The following PADI4 variants were observed in gnomAD, a reference collection of about 807,000 sequenced individuals.
The protein encoded by PADI4 is protein-arginine deiminase type-4.
A neutral mutation model predicts 75.0 loss-of-function variants in PADI4; 62 were observed. That is an observed-to-expected ratio of 0.83 (90% CI 0.67 to 1.02). The LOEUF is 1.02. PADI4 is among the 50% of genes least tolerant of loss of function. The pLI is 0.00. For synonymous variants in PADI4, 361 were observed against 348.1 expected (o/e 1.04, Z -0.41); for missense variants, 845 against 850.5 (o/e 0.99, Z 0.08).
intron 4 of PADI4, among the ~76,000 whole-genome samples, chr1:17,336,471 C>T (rs967280616): frequency 6.6e-6 from 1 of 152,216 alleles, no homozygotes; most frequent in African/African-American, 2.4e-5. Context: ...TACTGAGTCA[C>T]CCAGTTAATA....
rs6664430 is a variant in PADI4 at position 17,359,556 on chromosome 1, G to A, written c.1758+148G>A. The A allele has an allele frequency of 8.8e-6, 9 of 1,017,616 alleles. No individual in the cohort carries two copies. In the Admixed American group the frequency reaches 1.3e-4, roughly 15 times the overall value. The allele number at this position is 1,017,616 out of a possible 1,614,324, so 63.0% of individuals were successfully genotyped here. The stretch of plus-strand genomic sequence containing the variant: ...TGTCCTGAGTGGTACAAGGTCAGAC[G>A]TGACCAGGTCCATGCACGTTGGTGT... On this transcript the variant is annotated intron_variant, in intron 15 of 15. Transcript: ENST00000375448.
At chr1:17,311,790 G>A (rs929812515) in intron 1 of PADI4, among the ~76,000 whole-genome samples, 2 of 152,132 alleles carry the variant, frequency 1.3e-5, no homozygotes, top group Non-Finnish European at 2.9e-5. Flanking sequence ...CTCCCAAAGT[G>A]CTGGGATTAC....
chr1:17,317,965 C>T (rs542006769), intron 1 of PADI4, among the ~76,000 whole-genome samples: 54 of 152,166 alleles, frequency 3.5e-4, no homozygotes, highest in Non-Finnish European at 6.5e-4. Flanking sequence ...TCAAGTCTGC[C>T]GTGAGCCATG....
rs1009022620 is a variant in PADI4 at position 17,328,319 on chromosome 1, C to T, written c.93-2650C>T. ...GATTATAGGCATGAGCCACCGTGCTCGGCCAAAGACCTTTAAAAGTATAGG... is the reference window on the plus strand; with the variant it reads ...GATTATAGGCATGAGCCACCGTGCTTGGCCAAAGACCTTTAAAAGTATAGG... On this transcript the variant is annotated intron_variant, in intron 1 of 15. Coordinates refer to ENST00000375448, the MANE Select transcript of PADI4 (RefSeq NM_012387.3). Among the ~76,000 whole-genome samples the T allele has an allele frequency of 5.9e-5, 9 of 152,148 alleles. No individual in the cohort carries two copies. In the East Asian group the frequency reaches 1.4e-3, roughly 23 times the overall value.
intron 1 of PADI4, among the ~76,000 whole-genome samples, chr1:17,313,994 T>G (rs558920408): frequency 4.6e-5 from 7 of 152,326 alleles, no homozygotes; most frequent in African/African-American, 1.7e-4. Context: ...CGAATCCCAG[T>G]GGCCCAGTTC....
At chr1:17,336,379 T>G (rs2074312303) in intron 4 of PADI4, among the ~76,000 whole-genome samples, 153 bp downstream of exon 4, 1 of 152,256 alleles carries the variant, frequency 6.6e-6, no homozygotes, top group African/African-American at 2.4e-5. Flanking sequence ...ATATTTTGGC[T>G]TATGTATTTC....
chr1:17,338,230 C>T lies in PADI4; in HGVS notation c.526+75C>T, dbSNP rs181865872. The stretch of plus-strand genomic sequence containing the variant: ...TGCCCACATAGCCTGAACCTGGTGA[C>T]GGCCCTCTGAAATAAGGGTTATTGA... On this transcript the variant is annotated intron_variant, in intron 5 of 15. Coordinates refer to ENST00000375448, the MANE Select transcript of PADI4 (RefSeq NM_012387.3). 84 of 887,926 alleles carry T rather than the reference C, an allele frequency of 9.5e-5. 1 individual carries two copies. The highest frequency in any genetic ancestry group is 2.3e-4 in the Admixed American group (13 of 57,020). 55.0% of individuals were successfully genotyped at this position (887,926 alleles called of 1,614,324 possible).
chr1:17,351,834 G>A (rs1208383985), intron 10 of PADI4, among the ~76,000 whole-genome samples: 1 of 151,974 alleles, frequency 6.6e-6, no homozygotes, highest in Non-Finnish European at 1.5e-5. Context: ...GGCCTGGAGG[G>A]GTAGAGCAGA....
chr1:17,330,441 A>T (rs762094932), intron 1 of PADI4, among the ~76,000 whole-genome samples: 2 of 152,202 alleles, frequency 1.3e-5, no homozygotes, highest in Non-Finnish European at 2.9e-5. Flanking sequence ...CACGATCTGC[A>T]AGCTGGGGAA....
intron 1 of PADI4, among the ~76,000 whole-genome samples, chr1:17,312,356 A>G (rs2073851519): frequency 6.6e-6 from 1 of 151,858 alleles, no homozygotes; most frequent in African/African-American, 2.4e-5. Context: ...GCTACTCAGG[A>G]AGCTGAGGCA....
At chr1:17,355,635 C>A (rs2074747165) in intron 11 of PADI4, among the ~76,000 whole-genome samples, 1 of 151,946 alleles carries the variant, frequency 6.6e-6, no homozygotes, top group African/African-American at 2.4e-5. Context: ...GGAATGTCCC[C>A]AAGGCCACAT....
rs760849251 is a variant in PADI4 at position 17,363,575 on chromosome 1, C to G, written c.1812C>G (p.Pro604=). The change falls in exon 16 of 16, where the codon CCC becomes CCG. Residue 604 remains proline (P), a synonymous_variant. Transcript: ENST00000375448. The part of the protein sequence containing the change: ...KHLGIPKPFG[P]VINGRCCLEE... Reference sequence around the variant, plus strand: ...TGGGCATCCCCAAGCCCTTCGGGCCCGTCATCAACGGCCGCTGCTGCCTGG... The same window carrying G: ...TGGGCATCCCCAAGCCCTTCGGGCCGGTCATCAACGGCCGCTGCTGCCTGG... 4 of 1,614,010 alleles carry G rather than the reference C, an allele frequency of 2.5e-6. No individual in the cohort carries two copies. The highest frequency in any genetic ancestry group is 1.7e-5 in the Admixed American group (1 of 60,016).
intron 10 of PADI4, 191 bp downstream of exon 10, chr1:17,348,239 C>T (rs2074555238): frequency 2.1e-6 from 1 of 479,884 alleles, no homozygotes; most frequent in African/African-American, 1.9e-5. Context: ...AGATCTGGCT[C>T]TTCATTTCCC....
intron 1 of PADI4, 127 bp from the exon 2 acceptor site, chr1:17,330,842 C>A: frequency 1.6e-6 from 1 of 617,754 alleles, no homozygotes; most frequent in Non-Finnish European, 2.7e-6. Flanking sequence ...AAAAATACTT[C>A]GCATCTTTCA....
chr1:17,311,095 T>A (rs1441654767), intron 1 of PADI4, among the ~76,000 whole-genome samples: 2 of 138,912 alleles, frequency 1.4e-5, no homozygotes, highest in Non-Finnish European at 3.1e-5. Context: ...AGTCTCCGTC[T>A]CAAAAAAAAA....
At chr1:17,351,274 C>T (rs996196864) in intron 10 of PADI4, among the ~76,000 whole-genome samples, 9 of 149,516 alleles carry the variant, frequency 6.0e-5, no homozygotes, top group East Asian at 4.0e-4. Context: ...TAGGTGCCAG[C>T]GTGGTAGGGA....
chr1:17,347,014 CACA>C (rs2074529017), intron 9 of PADI4, among the ~76,000 whole-genome samples: 1 of 151,698 alleles, frequency 6.6e-6, no homozygotes, highest in South Asian at 2.1e-4. Context: ...CTCGGCTCAT[CACA>C]ACCTCTGCCT....
intron 1 of PADI4, among the ~76,000 whole-genome samples, chr1:17,315,576 G>A (rs1169130400): frequency 6.6e-6 from 1 of 150,642 alleles, no homozygotes; most frequent in Non-Finnish European, 1.5e-5. Flanking sequence ...CCCTTACAGC[G>A]CAGGAGCCCC....
chr1:17,328,571 T>C (rs11203364), intron 1 of PADI4, among the ~76,000 whole-genome samples: 1 of 151,344 alleles, frequency 6.6e-6, no homozygotes. Context: ...CACTTGAGCA[T>C]AGGAGGTCAA....
Sources: allele counts gnomAD v4.1 joint callset (sites outside exome capture counted in the v4.1 genomes callset), GRCh38; gene constraint gnomAD v4.1.1; transcripts MANE v1.5; gene names NCBI Gene and HGNC (gene_info 2026-07-23, HGNC 2026-07-21).